ZNF765: variants seen among roughly 807,000 people sequenced by gnomAD.
ZNF765 encodes zinc finger protein 765.
ZNF765 carries 37 observed loss-of-function variants against 44.7 expected under a neutral mutation model. The ratio of observed to expected loss-of-function variants is 0.83; its 90% CI spans 0.64 to 1.09. ZNF765 has a LOEUF of 1.09. Ranked by LOEUF, ZNF765 falls within the 50% of genes least tolerant of loss-of-function variation. ZNF765 has a pLI of 0.00. For missense variants in ZNF765, 594 were observed against 626.1 expected (o/e 0.95, Z 0.55); for synonymous variants, 201 against 213.7 (o/e 0.94, Z 0.52).
Position 53,396,837 on chromosome 19 carries a change from G to A in ZNF765, c.-73-1106G>A, listed in dbSNP as rs188519486. 2.2e-4 allele frequency among the ~76,000 whole-genome samples: 34 copies of A among 152,306 alleles called. No homozygotes were observed. In the East Asian group the frequency reaches 6.0e-3, roughly 27 times the overall value. ...GCTTTTTATAAATAAGGTTTTAATA[G>A]AAAGCACCACTATTACTGGATTCTT... is the stretch of plus-strand genomic sequence containing the variant. On this transcript the variant is annotated intron_variant, in intron 1 of 3. Coordinates refer to ENST00000396408, the MANE Select transcript of ZNF765 (RefSeq NM_001040185.3).
At chr19:53,406,888 C>T (rs201592046) in intron 3 of ZNF765, among the ~76,000 whole-genome samples, 2 of 151,932 alleles carry the variant, frequency 1.3e-5, no homozygotes, top group South Asian at 2.1e-4. Flanking sequence ...GAACTCCAGG[C>T]GGTTGTGACA....
intron 2 of ZNF765, 194 bp from the exon 3 acceptor site, chr19:53,401,871 A>T: frequency 7.4e-7 from 1 of 1,352,122 alleles, no homozygotes; most frequent in Non-Finnish European, 9.9e-7. Context: ...GTGAGACTCC[A>T]CCTTTAAAAA....
At chr19:53,415,143 G>T (rs1040843988), downstream of ZNF765, among the ~76,000 whole-genome samples, 1 of 152,038 alleles carries the variant, frequency 6.6e-6, no homozygotes, top group Non-Finnish European at 1.5e-5. Flanking sequence ...GGTGGCACAT[G>T]CCTGTAATCC....
Position 53,409,973 on chromosome 19 carries a change from A to G in ZNF765, c.*846A>G. ...TGCTACAACTATTGCAAATCATTGG[A>G]GAATCCATAATGAAGAGAGATCCTA... is the stretch of plus-strand genomic sequence containing the variant. On this transcript the variant is annotated 3_prime_UTR_variant, in exon 4 of 4. Transcript: ENST00000396408. The G allele has an allele frequency of 1.8e-6, 1 of 554,272 alleles. No homozygotes were observed. The highest frequency in any genetic ancestry group is 3.6e-6 in the Non-Finnish European group (1 of 281,432). The allele number at this position is 554,272 out of a possible 1,614,324, so 34.3% of individuals were successfully genotyped here. A position where few individuals can be genotyped will look rare whatever the true frequency, so the allele number is the denominator to read the frequency against.
chr19:53,423,941 A>T (rs2147110039), exon 4 of ZNF765: 1 of 154,922 alleles, frequency 6.5e-6, no homozygotes, highest in South Asian at 2.0e-4. Context: ...AGATACTGAA[A>T]CGTAAACGAT....
intron 3 of ZNF765, among the ~76,000 whole-genome samples, chr19:53,406,578 G>A (rs568500809): frequency 3.9e-5 from 6 of 152,038 alleles, no homozygotes; most frequent in East Asian, 1.9e-4. Context: ...GAGGCTTTTC[G>A]GTATGTGGTA....
intron 1 of ZNF765, among the ~76,000 whole-genome samples, chr19:53,396,276 A>G (rs2085669471): frequency 6.6e-6 from 1 of 152,080 alleles, no homozygotes; most frequent in South Asian, 2.1e-4. Flanking sequence ...AGAGAATGTA[A>G]CAGGGAGAGC....
At chr19:53,395,365 G>A (rs2147083208) in intron 1 of ZNF765, among the ~76,000 whole-genome samples, 172 bp downstream of exon 1, 1 of 152,340 alleles carries the variant, frequency 6.6e-6, no homozygotes, top group Admixed American at 6.5e-5. Context: ...TGGGTTTAAG[G>A]TCCCCCTGAG....
In ZNF765 at chr19:53,410,485, T is replaced by C; in HGVS notation, c.*1358T>C. ...CGCACCTGGCACAACATCCTAGAATTCACATTGGAGAGAAAGCTTACAAGT... is the reference window on the plus strand; with the variant it reads ...CGCACCTGGCACAACATCCTAGAATCCACATTGGAGAGAAAGCTTACAAGT... On this transcript the variant is annotated 3_prime_UTR_variant, in exon 4 of 4. Coordinates refer to ENST00000396408, the MANE Select transcript of ZNF765 (RefSeq NM_001040185.3). 2.6e-6 allele frequency: 1 copy of C among 381,386 alleles called. No homozygotes were observed. The highest frequency in any genetic ancestry group is 5.3e-6 in the Non-Finnish European group (1 of 189,528). The allele number at this position is 381,386 out of a possible 1,614,324, so 23.6% of individuals were successfully genotyped here.
chr19:53,402,761 G>A (rs1268449410), intron 3 of ZNF765, among the ~76,000 whole-genome samples: 1 of 152,062 alleles, frequency 6.6e-6, no homozygotes, highest in East Asian at 1.9e-4. Context: ...ACAGGGTCTT[G>A]CTGTGTTGTT....
intron 3 of ZNF765, among the ~76,000 whole-genome samples, chr19:53,419,952 C>T (rs949995561): frequency 4.6e-5 from 7 of 151,732 alleles, no homozygotes; most frequent in African/African-American, 1.7e-4. Context: ...CCCAGGAAGG[C>T]GAAGGTTGTG....
downstream of ZNF765, among the ~76,000 whole-genome samples, chr19:53,415,957 T>TTTGTTTG (rs71185878): frequency 0.75 from 114,068 of 151,568 alleles, 44,010 homozygotes; most frequent in Admixed American, 0.84. Flanking sequence ...TGTTTTGTTT[T>TTTGTTTG]TTGTTTTTTG....
intron 3 of ZNF765, 42 bp downstream of exon 3, chr19:53,402,233 T>A (rs748418122): frequency 7.6e-6 from 12 of 1,572,934 alleles, no homozygotes; most frequent in Admixed American, 2.1e-5. Context: ...CTTGCGTATC[T>A]TTGTATTTTC....
In ZNF765 at chr19:53,401,899, G is replaced by A. The variant is rs544141534; in HGVS notation, c.16-166G>A. 2.0e-4 allele frequency: 310 copies of A among 1,520,560 alleles called. 2 individuals carry two copies. The East Asian group carries it at 5.7e-3, about 28-fold the overall frequency. The allele number at this position is 1,520,560 out of a possible 1,614,324, so 94.2% of individuals were successfully genotyped here. A position where few individuals can be genotyped will look rare whatever the true frequency, so the allele number is the denominator to read the frequency against. ...TTTAAAAAAAAAAAAAAGAACTTTAGTAAACACAACTGGGAAGACAAAATG... is the reference window on the plus strand; with the variant it reads ...TTTAAAAAAAAAAAAAAGAACTTTAATAAACACAACTGGGAAGACAAAATG... On this transcript the variant is annotated intron_variant, in intron 2 of 3. Coordinates refer to ENST00000396408, the MANE Select transcript of ZNF765 (RefSeq NM_001040185.3).
intron 3 of ZNF765, among the ~76,000 whole-genome samples, chr19:53,419,400 G>C (rs1437988234): frequency 2.0e-5 from 3 of 152,202 alleles, no homozygotes; most frequent in African/African-American, 7.2e-5. Context: ...AGGGCTAAAT[G>C]GAGAGTCATT....
chr19:53,424,627 A>G (rs1166295824), exon 4 of ZNF765: 1 of 151,670 alleles, frequency 6.6e-6, no homozygotes, highest in Admixed American at 6.6e-5. Flanking sequence ...ATTCTCACCC[A>G]AACTGAGGTG....
At chr19:53,425,243 C>G (rs1028193757) in exon 4 of ZNF765, 1 of 152,180 alleles carries the variant, frequency 6.6e-6, no homozygotes, top group Admixed American at 6.6e-5. Flanking sequence ...CCACCCACAC[C>G]GCACTGCAGC....
intron 1 of ZNF765, among the ~76,000 whole-genome samples, chr19:53,397,624 A>G (rs2085684064): frequency 6.6e-6 from 1 of 152,090 alleles, no homozygotes; most frequent in Non-Finnish European, 1.5e-5. Flanking sequence ...CAAGAGATCT[A>G]CGCACCTCGG....
rs1352324596 is a variant in ZNF765 at position 53,406,019 on chromosome 19, G to A, written c.143-1679G>A. On this transcript the variant is annotated intron_variant, in intron 3 of 3. Transcript: ENST00000396408. ...CATCATAATTGCACCCTCTGACACC[G>A]TTAGTCAATTTTTTTTTTTTTTTTT... Among the ~76,000 whole-genome samples the A allele has an allele frequency of 8.3e-5, 4 of 48,228 alleles. 1 individual carries two copies. Among genetic ancestry groups the A allele is most frequent in the Non-Finnish European group, 1.9e-4 (4 of 20,650 alleles). The allele number at this position is 48,228 out of a possible 152,430, so 31.6% of individuals were successfully genotyped here.
Sources: allele counts gnomAD v4.1 joint callset (sites outside exome capture counted in the v4.1 genomes callset), GRCh38; gene constraint gnomAD v4.1.1; transcripts MANE v1.5; gene names NCBI Gene and HGNC (gene_info 2026-07-23, HGNC 2026-07-21).